The following CSMD1 variants were observed in gnomAD, a reference collection of about 807,000 sequenced individuals.
CSMD1 encodes the protein CUB and sushi domain-containing protein 1.
Under a neutral mutation model 417.5 loss-of-function variants are expected in CSMD1, and 213 were observed. That is an observed-to-expected ratio of 0.51 (90% confidence interval 0.46 to 0.57). The LOEUF is 0.57. Among genes scored for constraint, CSMD1 ranks in the 20% least tolerant of loss-of-function variants. CSMD1 has a pLI of 0.00. For missense variants in CSMD1, 6,923 were observed against 4,529.7 expected (o/e 1.53, Z -15.17); for synonymous variants, 2,862 against 1,736.8 (o/e 1.65, Z -16.11).
intron 47 of CSMD1, among the ~76,000 whole-genome samples, chr8:3,094,379 A>G (rs1815157080): frequency 6.6e-6 from 1 of 152,204 alleles, no homozygotes; most frequent in South Asian, 2.1e-4. Context: ...TGCTGGGATT[A>G]CAGGCGTGAG....
intron 23 of CSMD1, among the ~76,000 whole-genome samples, chr8:3,319,751 G>C (rs892175594): frequency 4.6e-5 from 7 of 152,052 alleles, no homozygotes; most frequent in African/African-American, 1.7e-4. Flanking sequence ...AAGAACATTA[G>C]GAACACGTCA....
intron 11 of CSMD1, among the ~76,000 whole-genome samples, chr8:3,483,915 G>C (rs954447091): frequency 2.0e-5 from 3 of 152,138 alleles, no homozygotes; most frequent in Non-Finnish European, 4.4e-5. Flanking sequence ...TGCCAAAAAA[G>C]AAACATTTGA....
chr8:4,382,245 G>A (rs1446821765), intron 3 of CSMD1, among the ~76,000 whole-genome samples: 1 of 152,120 alleles, frequency 6.6e-6, no homozygotes, highest in African/African-American at 2.4e-5. Context: ...CATTACCAAA[G>A]CCATAAAGAT....
At chr8:3,568,926 G>C (rs142699223) in intron 10 of CSMD1, among the ~76,000 whole-genome samples, 2 of 151,992 alleles carry the variant, frequency 1.3e-5, no homozygotes, top group Admixed American at 6.6e-5. Context: ...ACTTTTGAGA[G>C]AATTTTATCT....
At chr8:4,684,167 AC>A (rs1332759275) in intron 1 of CSMD1, among the ~76,000 whole-genome samples, 1 of 152,234 alleles carries the variant, frequency 6.6e-6, no homozygotes, top group African/African-American at 2.4e-5. Context: ...GAATGCAAAA[AC>A]CTTAAATACC....
chr8:2,990,436 A>C (rs1806277525), intron 54 of CSMD1, among the ~76,000 whole-genome samples: 2 of 152,236 alleles, frequency 1.3e-5, no homozygotes, highest in South Asian at 4.1e-4. Context: ...GACACATTTC[A>C]GGGTATCCCC....
At chr8:3,885,179 G>C (rs1806475047) in intron 5 of CSMD1, among the ~76,000 whole-genome samples, 1 of 151,990 alleles carries the variant, frequency 6.6e-6, no homozygotes, top group African/African-American at 2.4e-5. Context: ...AGTTTATTAA[G>C]AGACATTCAC....
At chr8:4,331,642 A>C (rs553003780) in intron 3 of CSMD1, among the ~76,000 whole-genome samples, 1 of 152,226 alleles carries the variant, frequency 6.6e-6, no homozygotes, top group Non-Finnish European at 1.5e-5. Flanking sequence ...CCTCAGTCAT[A>C]ATCAATAAAG....
intron 5 of CSMD1, among the ~76,000 whole-genome samples, chr8:3,865,424 G>C (rs942878652): frequency 8.5e-5 from 13 of 152,104 alleles, no homozygotes; most frequent in South Asian, 2.1e-4. Flanking sequence ...GCCTGCAAGC[G>C]AGACTGTGAG....
At chr8:4,312,394 CAT>C (rs200415021) in intron 3 of CSMD1, among the ~76,000 whole-genome samples, 7,131 of 39,518 alleles carry the variant, frequency 0.18, 1,290 homozygotes, top group East Asian at 0.52. Flanking sequence ...TATATATATA[CAT>C]ACATATATAT....
chr8:3,993,603 T>A (rs1203032907), intron 5 of CSMD1, among the ~76,000 whole-genome samples: 1 of 152,216 alleles, frequency 6.6e-6, no homozygotes, highest in South Asian at 2.1e-4. Context: ...GAGTTTCCCT[T>A]GTAAACTTCC....
In CSMD1 at chr8:3,052,486, T is replaced by C; in HGVS notation, c.7636A>G (p.Lys2546Glu). The stretch of plus-strand genomic sequence containing the variant: ...CGCTTACACGTGGGCGGCTTCCCCT[T>C]GTTACTCCACAACCCATCTTCTTGA... ...VCQEDGLWSN[K>E]GKPPTCKPVA... The change falls in exon 50 of 70, where the codon AAG (lysine) becomes GAG (glutamate). Residue 2546 changes from lysine (K) to glutamate (E), a missense_variant. Coordinates refer to ENST00000635120, the MANE Select transcript of CSMD1 (RefSeq NM_033225.6). 6.3e-7 allele frequency: 1 copy of C among 1,587,128 alleles called. No homozygotes were observed. Among genetic ancestry groups the C allele is most frequent in the Non-Finnish European group, 8.6e-7 (1 of 1,166,104 alleles).
intron 51 of CSMD1, among the ~76,000 whole-genome samples, chr8:3,023,657 G>A (rs1418472235): frequency 6.6e-6 from 1 of 152,070 alleles, no homozygotes; most frequent in Non-Finnish European, 1.5e-5. Context: ...TCAAAAAGTG[G>A]TAAATTTCTC....
intron 7 of CSMD1, among the ~76,000 whole-genome samples, chr8:3,649,752 A>G (rs1797753481): frequency 6.6e-6 from 1 of 152,322 alleles, no homozygotes; most frequent in Admixed American, 6.5e-5. Flanking sequence ...AAGCCTAACC[A>G]TAACATCATC....
intron 1 of CSMD1, among the ~76,000 whole-genome samples, chr8:4,821,097 A>C (rs1799496801): frequency 6.6e-6 from 1 of 152,140 alleles, no homozygotes; most frequent in South Asian, 2.1e-4. Context: ...AAAAGATACC[A>C]GATTGATACT....
chr8:3,979,476 G>A (rs933607667), intron 5 of CSMD1, among the ~76,000 whole-genome samples: 3 of 152,132 alleles, frequency 2.0e-5, no homozygotes, highest in South Asian at 2.1e-4. Flanking sequence ...TGTGTCTTTG[G>A]CTTAGAATGT....
intron 2 of CSMD1, among the ~76,000 whole-genome samples, chr8:4,566,293 C>T (rs1798601746): frequency 6.6e-6 from 1 of 152,030 alleles, no homozygotes; most frequent in Non-Finnish European, 1.5e-5. Flanking sequence ...TGACAAAATA[C>T]ATTTAGAAAG....
At chr8:3,228,964 C>T (rs577400278) in intron 27 of CSMD1, among the ~76,000 whole-genome samples, 88 of 152,186 alleles carry the variant, frequency 5.8e-4, no homozygotes, top group African/African-American at 2.0e-3. Flanking sequence ...AAACGCAGCA[C>T]CAGACATTAA....
At position 4,227,304 on chromosome 8, in the gene CSMD1, G is replaced by A. The variant is rs188025688; in HGVS notation, c.415+192649C>T. On this transcript the variant is annotated intron_variant, in intron 3 of 69. Transcript: ENST00000635120. ...ATCCCCTCGGTCTGCCTTGGGGGCT[G>A]TCGTGGCCTCTCCCACCACTCACCA... 3.9e-5 allele frequency among the ~76,000 whole-genome samples: 6 copies of A among 152,236 alleles called. No individual in the cohort carries two copies. The East Asian group carries it at 9.7e-4, about 25-fold the overall frequency.
Sources: gnomAD v4.1 joint callset for allele counts (sites outside exome capture counted in the v4.1 genomes callset) on GRCh38, gnomAD v4.1.1 for gene constraint, MANE v1.5 for transcripts, NCBI Gene and HGNC (gene_info 2026-07-23, HGNC 2026-07-21) for gene names.